Variants in ATXN7 observed in about 807,000 individuals in gnomAD.
ATXN7 encodes the protein ataxin 7.
In ATXN7, 12 loss-of-function variants were observed where a neutral mutation model predicts 70.5. The ratio of observed to expected loss-of-function variants is 0.17; its 90% CI spans 0.11 to 0.28. The LOEUF (loss-of-function observed/expected upper bound fraction) is 0.28. Among genes scored for constraint, ATXN7 ranks in the 10% least tolerant of loss-of-function variants. ATXN7 has a pLI of 1.00. For missense variants in ATXN7, 1,256 were observed against 1,131.7 expected, an observed-to-expected ratio of 1.11 and a Z score of -1.58; for synonymous variants, 498 against 448.7, an observed-to-expected ratio of 1.11 and a Z score of -1.39.
intron 1 of ATXN7, among the ~76,000 whole-genome samples, chr3:63,870,677 T>C (rs1454867446): frequency 2.0e-5 from 3 of 152,204 alleles, no homozygotes; most frequent in Non-Finnish European, 2.9e-5. Context: ...GAATCAGTGC[T>C]TTTGGAGCTG....
chr3:64,000,625 G>C lies in ATXN7; in HGVS notation c.*1158G>C, dbSNP rs1576012624. 2.0e-5 allele frequency: 3 copies of C among 152,212 alleles called. No individual in the cohort carries two copies. The highest frequency in any genetic ancestry group is 7.2e-5 in the African/African-American group (3 of 41,436). 9.4% of individuals were successfully genotyped at this position (152,212 alleles called of 1,614,324 possible). On this transcript the variant is annotated 3_prime_UTR_variant, in exon 13 of 13. Coordinates refer to ENST00000674280, the MANE Select transcript of ATXN7 (RefSeq NM_001377405.1). ...CACTTCAGATGTTTATTTGGATGTG[G>C]TTGGGGACGAGAGCAGACACCAAGG...
chr3:63,926,962 A>G (rs1351730371), intron 4 of ATXN7, among the ~76,000 whole-genome samples: 3 of 152,034 alleles, frequency 2.0e-5, no homozygotes, highest in Non-Finnish European at 4.4e-5. Context: ...GATGGCTTCC[A>G]CCTTCATCCA....
chr3:63,997,706 A>G, intron 12 of ATXN7: 1 of 1,550,572 alleles, frequency 6.4e-7, no homozygotes, highest in Non-Finnish European at 8.7e-7. Flanking sequence ...CTTTTTCATG[A>G]TTTTTTTTCC....
At chr3:63,922,011 C>T (rs2107319950) in intron 4 of ATXN7, among the ~76,000 whole-genome samples, 1 of 152,158 alleles carries the variant, frequency 6.6e-6, no homozygotes, top group East Asian at 1.9e-4. Flanking sequence ...AAATGAACCG[C>T]AGTTTTTTTC....
At position 63,935,825 on chromosome 3, in the gene ATXN7, C is replaced by T. The variant is rs540200177; in HGVS notation, c.395-16554C>T. Among the ~76,000 whole-genome samples the T allele has an allele frequency of 4.9e-3, 746 of 152,016 alleles. 4 individuals are homozygous for T. Among genetic ancestry groups the T allele is most frequent in the Non-Finnish European group, 6.3e-3 (428 of 67,964 alleles). On this transcript the variant is annotated intron_variant, in intron 4 of 12. Coordinates refer to ENST00000674280, the MANE Select transcript of ATXN7 (RefSeq NM_001377405.1). ...TTTGAGTGGTTATTTGATCATTTTA[C>T]TGCATTTTGCTCATTATAAAAGTGA...
In ATXN7 at chr3:63,990,442, G is replaced by A. The variant is rs529686546; in HGVS notation, c.1560+68G>A. On this transcript the variant is annotated intron_variant, in intron 10 of 12. Coordinates refer to ENST00000674280, the MANE Select transcript of ATXN7 (RefSeq NM_001377405.1). ...CATGGACAGGGCACTGCAGGGGGGC[G>A]CGCCAGGGATCTTGGCATGCCCGTA... 10 of 1,565,316 alleles carry A rather than the reference G, an allele frequency of 6.4e-6. 1 individual carries two copies. Among genetic ancestry groups the A allele is most frequent in the Middle Eastern group, 1.9e-4 (1 of 5,352 alleles).
At chr3:63,928,904 A>G (rs1469337826) in intron 4 of ATXN7, among the ~76,000 whole-genome samples, 1 of 152,244 alleles carries the variant, frequency 6.6e-6, no homozygotes. Flanking sequence ...TAATAGCAGC[A>G]GTAGTGAAGT....
chr3:63,993,994 T>C (rs1162991538), intron 11 of ATXN7, among the ~76,000 whole-genome samples: 1 of 152,160 alleles, frequency 6.6e-6, no homozygotes, highest in Non-Finnish European at 1.5e-5. Flanking sequence ...CCTGCCACCC[T>C]CCTCTATGAG....
At chr3:63,871,678 A>G (rs1303952321) in intron 1 of ATXN7, among the ~76,000 whole-genome samples, 2 of 152,194 alleles carry the variant, frequency 1.3e-5, no homozygotes, top group African/African-American at 2.4e-5. Context: ...AAAAAAAGGT[A>G]TATAATGAGA....
At position 63,982,316 on chromosome 3, in the gene ATXN7, A is replaced by G. The variant is rs1338061022; in HGVS notation, c.883A>G (p.Ile295Val). The G allele has an allele frequency of 6.8e-6, 11 of 1,614,086 alleles. No homozygotes were observed. Among genetic ancestry groups the G allele is most frequent in the East Asian group, 4.5e-5 (2 of 44,894 alleles). The change falls in exon 7 of 13, where the codon ATA becomes GTA. Residue 295 changes from isoleucine to valine, a missense_variant. By Grantham distance (29) the Ile-to-Val change is conservative (BLOSUM62 3). Coordinates refer to ENST00000674280, the MANE Select transcript of ATXN7 (RefSeq NM_001377405.1). ...LVKPGLNCPS[I>V]PKPTLPSPGQ... is the part of the protein sequence containing the mutation. ...CAAGCCTGGCCTTAACTGCCCCTCA[A>G]TACCAAAGCCAACCTTGCCTTCACC...
intron 1 of ATXN7, among the ~76,000 whole-genome samples, chr3:63,865,739 C>A (rs181631186): frequency 1.4e-3 from 213 of 150,402 alleles, no homozygotes; most frequent in Middle Eastern, 6.8e-3. Flanking sequence ...AAAAAAAATA[C>A]AAAAAATTAG....
At chr3:63,966,274 A>G (rs2075220599) in intron 5 of ATXN7, among the ~76,000 whole-genome samples, 2 of 152,156 alleles carry the variant, frequency 1.3e-5, no homozygotes, top group African/African-American at 4.8e-5. Context: ...TATTGATGGC[A>G]TTAAGGAGAT....
intron 5 of ATXN7, among the ~76,000 whole-genome samples, chr3:63,953,528 A>T (rs940212000): frequency 1.3e-5 from 2 of 152,146 alleles, no homozygotes; most frequent in African/African-American, 4.8e-5. Context: ...TCAGTGGTTG[A>T]TTTGCTGAGA....
Position 63,996,286 on chromosome 3 carries a change from T to A in ATXN7, c.2464T>A (p.Phe822Ile). The A allele has an allele frequency of 1.2e-6, 2 of 1,614,086 alleles. No homozygotes were observed. ...NELPVNSHGS[F>I]SHSHTPLDKL... ...ACTGCCTGTCAACTCCCACGGCAGTTTTTCCCACTCACACACTCCTCTAGA... is the reference window on the plus strand; with the variant it reads ...ACTGCCTGTCAACTCCCACGGCAGTATTTCCCACTCACACACTCCTCTAGA... The change falls in exon 12 of 13, where the codon TTT becomes ATT. Residue 822 changes from phenylalanine (F) to isoleucine (I), a missense_variant. Coordinates refer to ENST00000674280, the MANE Select transcript of ATXN7 (RefSeq NM_001377405.1).
chr3:63,881,359 A>C lies in ATXN7; in HGVS notation c.-110-17040A>C, dbSNP rs867125689. Among the ~76,000 whole-genome samples, 7 of 152,248 alleles carry C rather than the reference A, an allele frequency of 4.6e-5. No homozygotes were observed. The Middle Eastern group carries it at 0.01, about 222-fold the overall frequency. On this transcript the variant is annotated intron_variant, in intron 1 of 12. Transcript: ENST00000674280. ...TGGGATTAACTCTGCCTATTTGAAG[A>C]GATAAGTGACCTCTAAACTGATTTC...
chr3:63,993,850 T>C (rs2106797826), intron 11 of ATXN7, among the ~76,000 whole-genome samples: 1 of 152,232 alleles, frequency 6.6e-6, no homozygotes, highest in Non-Finnish European at 1.5e-5. Flanking sequence ...CTGGACTTCA[T>C]TTAGAGCAGG....
intron 4 of ATXN7, among the ~76,000 whole-genome samples, chr3:63,927,053 G>T (rs1196343864): frequency 6.6e-6 from 1 of 152,072 alleles, no homozygotes; most frequent in Non-Finnish European, 1.5e-5. Context: ...TTTTCTTTAT[G>T]CAGTCTATCA....
intron 2 of ATXN7, among the ~76,000 whole-genome samples, chr3:63,906,063 CTG>C (rs1318009374): frequency 1.3e-5 from 2 of 152,180 alleles, no homozygotes; most frequent in African/African-American, 4.8e-5. Context: ...GGACAGGTAA[CTG>C]TATTCATTCA....
intron 4 of ATXN7, among the ~76,000 whole-genome samples, chr3:63,920,680 C>T (rs1001026305): frequency 6.6e-6 from 1 of 151,522 alleles, no homozygotes; most frequent in Non-Finnish European, 1.5e-5. Flanking sequence ...AACATTTTTT[C>T]TTTGAGGGGG....
Sources: allele counts gnomAD v4.1 joint callset (sites outside exome capture counted in the v4.1 genomes callset), GRCh38; gene constraint gnomAD v4.1.1; transcripts MANE v1.5; gene names NCBI Gene and HGNC (gene_info 2026-07-23, HGNC 2026-07-21).